The following PTBP2 variants were observed in gnomAD, a reference collection of about 807,000 sequenced individuals.
PTBP2 encodes polypyrimidine tract binding protein 2.
In PTBP2, 13 loss-of-function variants were observed where a neutral mutation model predicts 61.4. The ratio of observed to expected loss-of-function variants is 0.21; its 90% confidence interval spans 0.14 to 0.34. PTBP2 has a LOEUF of 0.34. PTBP2 is among the 10% of genes least tolerant of loss of function. The probability of loss-of-function intolerance (pLI) is 1.00; values close to 1 mark genes in which losing one functional copy is unlikely to be tolerated. For missense variants in PTBP2, 405 were observed against 642.6 expected (o/e 0.63, Z 4.00); for synonymous variants, 215 against 218.5 (o/e 0.98, Z 0.14).
chr1:96,724,565 T>C (rs1054795196), intron 2 of PTBP2, among the ~76,000 whole-genome samples: 1 of 151,948 alleles, frequency 6.6e-6, no homozygotes, highest in Non-Finnish European at 1.5e-5. Context: ...GTGCCCGGCC[T>C]GTATTGTCAT....
intron 8 of PTBP2, among the ~76,000 whole-genome samples, chr1:96,792,999 C>T (rs1660010860): frequency 6.6e-6 from 1 of 152,044 alleles, no homozygotes; most frequent in Non-Finnish European, 1.5e-5. Context: ...TTTTGAAGCA[C>T]ATTGCTGAAT....
At chr1:96,803,274 C>T (rs1044205458) in intron 8 of PTBP2, among the ~76,000 whole-genome samples, 1 of 151,838 alleles carries the variant, frequency 6.6e-6, no homozygotes, top group African/African-American at 2.4e-5. Flanking sequence ...GGGGATGAAA[C>T]GAGATTGGCC....
intron 3 of PTBP2, 121 bp from the exon 4 acceptor site, chr1:96,769,582 A>T (rs189849284): frequency 1.7e-5 from 10 of 604,102 alleles, no homozygotes; most frequent in Non-Finnish European, 2.6e-5. Flanking sequence ...AGAATTATTT[A>T]AGTATTCTCA....
At chr1:96,766,690 C>A (rs1289194205) in intron 3 of PTBP2, among the ~76,000 whole-genome samples, 3 of 152,074 alleles carry the variant, frequency 2.0e-5, no homozygotes, top group Non-Finnish European at 4.4e-5. Flanking sequence ...TAATATTTGG[C>A]ACTAAGATAT....
chr1:96,778,150 G>A (rs1658242622), intron 7 of PTBP2, among the ~76,000 whole-genome samples: 1 of 149,314 alleles, frequency 6.7e-6, no homozygotes, highest in Non-Finnish European at 1.5e-5. Context: ...ACCATGATGT[G>A]GGTTTCTATT....
At chr1:96,790,514 A>C (rs1659682491) in intron 8 of PTBP2, among the ~76,000 whole-genome samples, 1 of 152,140 alleles carries the variant, frequency 6.6e-6, no homozygotes, top group South Asian at 2.1e-4. Flanking sequence ...CCTAATTCAC[A>C]TATTCCTTCT....
intron 3 of PTBP2, among the ~76,000 whole-genome samples, chr1:96,758,565 A>G (rs1482844923): frequency 1.3e-5 from 2 of 152,090 alleles, no homozygotes; most frequent in African/African-American, 4.8e-5. Context: ...CAGGATTGTA[A>G]GGTTTGTTTA....
chr1:96,802,719 A>G (rs1449803441), intron 8 of PTBP2, among the ~76,000 whole-genome samples: 1 of 152,122 alleles, frequency 6.6e-6, no homozygotes, highest in Non-Finnish European at 1.5e-5. Context: ...TTTGTTTGCC[A>G]TCAGTGGGAT....
intron 8 of PTBP2, among the ~76,000 whole-genome samples, chr1:96,797,079 A>T (rs1660468752): frequency 1.3e-5 from 2 of 152,184 alleles, no homozygotes; most frequent in Non-Finnish European, 2.9e-5. Context: ...TGAAGTCTTT[A>T]TGTAATGGGA....
chr1:96,784,971 TG>T (rs1659062533), intron 7 of PTBP2, 87 bp from the exon 8 acceptor site: 2 of 1,098,824 alleles, frequency 1.8e-6, no homozygotes, highest in Non-Finnish European at 2.6e-6. Context: ...TTCGAGTTTT[TG>T]TTGTTGAGTT....
At chr1:96,760,895 A>G (rs1655763578) in intron 3 of PTBP2, among the ~76,000 whole-genome samples, 1 of 152,208 alleles carries the variant, frequency 6.6e-6, no homozygotes, top group Non-Finnish European at 1.5e-5. Context: ...ACTTGAAATA[A>G]CCCAAATGTT....
chr1:96,794,563 A>G (rs1660175527), intron 8 of PTBP2, among the ~76,000 whole-genome samples: 1 of 152,312 alleles, frequency 6.6e-6, no homozygotes, highest in South Asian at 2.1e-4. Flanking sequence ...GGCTCATTTC[A>G]GTGTCATCCT....
intron 2 of PTBP2, among the ~76,000 whole-genome samples, chr1:96,738,944 A>G (rs1301972839): frequency 6.6e-6 from 1 of 152,210 alleles, no homozygotes; most frequent in Non-Finnish European, 1.5e-5. Flanking sequence ...AGTAGAAATA[A>G]CAACTGTTCA....
chr1:96,726,921 T>C (rs1650639387), intron 2 of PTBP2, among the ~76,000 whole-genome samples: 1 of 152,168 alleles, frequency 6.6e-6, no homozygotes, highest in Non-Finnish European at 1.5e-5. Flanking sequence ...TATTGAGATA[T>C]AATTTGACAT....
At chr1:96,762,225 G>A (rs1488148132) in intron 3 of PTBP2, among the ~76,000 whole-genome samples, 2 of 150,240 alleles carry the variant, frequency 1.3e-5, no homozygotes, top group Non-Finnish European at 3.0e-5. Context: ...ATCATGGCCC[G>A]TTCTCAATGA....
At chr1:96,762,317 C>T (rs1236894075) in intron 3 of PTBP2, among the ~76,000 whole-genome samples, 4 of 149,078 alleles carry the variant, frequency 2.7e-5, no homozygotes, top group African/African-American at 5.0e-5. Context: ...CGGGCAGAGG[C>T]GCCCCTCACT....
chr1:96,724,652 G>C (rs567265429), intron 2 of PTBP2, among the ~76,000 whole-genome samples: 1 of 131,078 alleles, frequency 7.6e-6, no homozygotes, highest in South Asian at 2.5e-4. Flanking sequence ...ACATTTTTTC[G>C]AATTCTTAAA....
chr1:96,727,055 C>T (rs1650660617), intron 2 of PTBP2, among the ~76,000 whole-genome samples: 1 of 152,146 alleles, frequency 6.6e-6, no homozygotes, highest in Non-Finnish European at 1.5e-5. Context: ...TTTATAGTCC[C>T]TCCTTTCTGC....
intron 3 of PTBP2, among the ~76,000 whole-genome samples, chr1:96,751,734 A>G (rs1405702650): frequency 4.7e-5 from 7 of 149,456 alleles, no homozygotes; most frequent in African/African-American, 1.7e-4. Context: ...TCATTTTTGA[A>G]CCACAAATGT....
Sources: gnomAD v4.1 joint callset for allele counts (sites outside exome capture counted in the v4.1 genomes callset) on GRCh38, gnomAD v4.1.1 for gene constraint, MANE v1.5 for transcripts, NCBI Gene and HGNC (gene_info 2026-07-23, HGNC 2026-07-21) for gene names.